TXNL4A: variants seen among roughly 807,000 people sequenced by gnomAD.
The protein encoded by TXNL4A is thioredoxin-like protein 4A.
In TXNL4A, 17 loss-of-function variants were observed where a neutral mutation model predicts 14.6. That is an observed-to-expected ratio of 1.16 (90% CI 0.80 to 1.74). TXNL4A has a LOEUF of 1.74. Ranked by LOEUF, TXNL4A falls within the 40% of genes most tolerant of loss-of-function variation. TXNL4A has a pLI of 0.00. For synonymous variants in TXNL4A, 83 were observed against 70.6 expected, an observed-to-expected ratio of 1.18 and a Z score of -0.88; for missense variants, 74 against 195.2, an observed-to-expected ratio of 0.38 and a Z score of 3.70.
At chr18:79,990,843 G>A (rs1039216055), upstream of TXNL4A, among the ~76,000 whole-genome samples, 22 of 152,198 alleles carry the variant, frequency 1.4e-4, no homozygotes, top group African/African-American at 4.8e-4. Context: ...GGTGGCTCAC[G>A]CCTGTAATCC....
chr18:79,984,370 G>A (rs2051511349), intron 1 of TXNL4A, among the ~76,000 whole-genome samples: 1 of 150,072 alleles, frequency 6.7e-6, no homozygotes, highest in South Asian at 2.2e-4. Context: ...GAGGTGACTG[G>A]CTCACTTGAG....
rs1250583314 is a variant in TXNL4A at position 79,971,366 on chromosome 18, T to C, written c.*2319A>G. On this transcript the variant is annotated 3_prime_UTR_variant, in exon 3 of 3. Coordinates refer to ENST00000269601, the MANE Select transcript of TXNL4A (RefSeq NM_006701.5). ...TTTTTGAGACAGGGTCTTGCTCAGT[T>C]GCCCAGGCTGGAGTGCAGTGGCACA... The C allele has an allele frequency of 6.6e-6, 1 of 152,370 alleles. No individual in the cohort carries two copies. The highest frequency in any genetic ancestry group is 1.5e-5 in the Non-Finnish European group (1 of 68,144). The allele number at this position is 152,370 out of a possible 1,614,324, so 9.4% of individuals were successfully genotyped here. A position where few individuals can be genotyped will look rare whatever the true frequency, so the allele number is the denominator to read the frequency against.
chr18:80,010,736 T>A (rs1306343413), intron 1 of TXNL4A, among the ~76,000 whole-genome samples: 1 of 152,260 alleles, frequency 6.6e-6, no homozygotes, highest in African/African-American at 2.4e-5. Flanking sequence ...GCCACGGGCA[T>A]GTCTCCAGGC....
chr18:80,008,602 G>A (rs1179832597), intron 1 of TXNL4A, among the ~76,000 whole-genome samples: 3 of 151,618 alleles, frequency 2.0e-5, no homozygotes, highest in Non-Finnish European at 2.9e-5. Flanking sequence ...TCCACATTAA[G>A]TTCACCCTCT....
At chr18:80,023,478 T>G (rs1186448890) in intron 1 of TXNL4A, among the ~76,000 whole-genome samples, 1 of 152,220 alleles carries the variant, frequency 6.6e-6, no homozygotes, top group Non-Finnish European at 1.5e-5. Flanking sequence ...TTAGAGAGGT[T>G]TGGGGTTTGA....
chr18:80,022,721 G>C (rs779978358), intron 1 of TXNL4A, among the ~76,000 whole-genome samples: 2 of 152,134 alleles, frequency 1.3e-5, no homozygotes, highest in Non-Finnish European at 2.9e-5. Flanking sequence ...TTGCTTTGGC[G>C]TGACCAAGGG....
At chr18:79,977,556 C>A in intron 2 of TXNL4A, 42 bp downstream of exon 2, 1 of 1,452,324 alleles carries the variant, frequency 6.9e-7, no homozygotes, top group Admixed American at 1.9e-5. Flanking sequence ...AGCTTCCAAA[C>A]TGACAATATT....
intron 1 of TXNL4A, among the ~76,000 whole-genome samples, chr18:80,001,180 A>G (rs1167295699): frequency 4.6e-5 from 7 of 152,214 alleles, no homozygotes; most frequent in African/African-American, 1.7e-4. Flanking sequence ...GCTTCAAAGA[A>G]TGGAAGCTCT....
At position 79,972,602 on chromosome 18, in the gene TXNL4A, T is replaced by A. The variant is rs113648794; in HGVS notation, c.*1083A>T. 1 of 152,284 alleles carries A rather than the reference T, an allele frequency of 6.6e-6. No homozygotes were observed. Among genetic ancestry groups the A allele is most frequent in the Non-Finnish European group, 1.5e-5 (1 of 68,146 alleles). 9.4% of individuals were successfully genotyped at this position (152,284 alleles called of 1,614,324 possible). A position where few individuals can be genotyped will look rare whatever the true frequency, so the allele number is the denominator to read the frequency against. ...GCCTCAGCCTTCCAAGTAGCTGGGATTACAGGCACGCGCCACCATGCCCAG... is the reference window on the plus strand; with the variant it reads ...GCCTCAGCCTTCCAAGTAGCTGGGAATACAGGCACGCGCCACCATGCCCAG... On this transcript the variant is annotated 3_prime_UTR_variant, in exon 3 of 3. Coordinates refer to ENST00000269601, the MANE Select transcript of TXNL4A (RefSeq NM_006701.5).
At chr18:80,006,781 T>C (rs1038848635) in intron 1 of TXNL4A, among the ~76,000 whole-genome samples, 5 of 152,188 alleles carry the variant, frequency 3.3e-5, no homozygotes, top group Non-Finnish European at 7.3e-5. Context: ...CAGATGGTTT[T>C]ATCGATGAGC....
intron 1 of TXNL4A, among the ~76,000 whole-genome samples, chr18:80,012,544 T>C (rs1385235462): frequency 6.6e-6 from 1 of 152,202 alleles, no homozygotes; most frequent in East Asian, 1.9e-4. Context: ...GGTTTTATGT[T>C]GTGGTTCATG....
At chr18:80,029,364 T>C (rs2051906406) in intron 1 of TXNL4A, among the ~76,000 whole-genome samples, 2 of 152,228 alleles carry the variant, frequency 1.3e-5, no homozygotes, top group East Asian at 1.9e-4. Context: ...TTTTGAGGTA[T>C]GGCAGCTTGA....
chr18:79,992,048 A>C (rs183094627), upstream of TXNL4A, among the ~76,000 whole-genome samples: 1 of 152,348 alleles, frequency 6.6e-6, no homozygotes, highest in Non-Finnish European at 1.5e-5. Flanking sequence ...GGTCACAGAT[A>C]TGTGAGAGAT....
intron 1 of TXNL4A, among the ~76,000 whole-genome samples, chr18:80,027,545 A>G (rs760307046): frequency 3.0e-4 from 45 of 152,242 alleles, no homozygotes; most frequent in Non-Finnish European, 6.2e-4. Context: ...CTTGGAAAGA[A>G]GGGCAATATA....
Position 79,995,811 on chromosome 18 carries a change from C to T in TXNL4A, c.-60-18110G>A, listed in dbSNP as rs187337009. 1.4e-3 allele frequency among the ~76,000 whole-genome samples: 216 copies of T among 152,242 alleles called. 1 individual carries two copies. Among genetic ancestry groups the T allele is most frequent in the African/African-American group, 5.0e-3 (206 of 41,552 alleles). On this transcript the variant is annotated intron_variant, in intron 1 of 2. Coordinates refer to the TXNL4A transcript ENST00000585474. Reference sequence around the variant, plus strand: ...CCCAGTCTGTTACTAGTGTAAAAGACCAGGACAACGGCCGGGCGCGGTGGC... The same window carrying T: ...CCCAGTCTGTTACTAGTGTAAAAGATCAGGACAACGGCCGGGCGCGGTGGC...
At chr18:79,988,001 G>A (rs145373881) in intron 1 of TXNL4A, among the ~76,000 whole-genome samples, 43 of 152,364 alleles carry the variant, frequency 2.8e-4, no homozygotes, top group African/African-American at 8.7e-4. Context: ...TTGAGAGGAG[G>A]GGGATCATAA....
At position 79,993,927 on chromosome 18, in the gene TXNL4A, G is replaced by A. The variant is rs769501080; in HGVS notation, c.-60-16226C>T. On this transcript the variant is annotated intron_variant, in intron 1 of 2. Transcript: ENST00000585474. This position sits in a 1 kb window ranked among gnomAD's most constrained non-coding sequence, Gnocchi z 4.4. ...CCCTGACACACTTTACCAGGTAGCC[G>A]CGACAAGCGTGGACTGAACTGGTTC... 3.3e-5 allele frequency among the ~76,000 whole-genome samples: 5 copies of A among 152,108 alleles called. No homozygotes were observed. The highest frequency in any genetic ancestry group is 4.1e-4 in the South Asian group (2 of 4,824).
At chr18:79,996,327 A>G (rs957951819) in intron 1 of TXNL4A, among the ~76,000 whole-genome samples, 7 of 152,180 alleles carry the variant, frequency 4.6e-5, no homozygotes, top group South Asian at 2.1e-4. Context: ...AGGAGTGGCT[A>G]TATCTGTTAT....
At chr18:79,992,185 T>C (rs868471307), upstream of TXNL4A, among the ~76,000 whole-genome samples, 14 of 152,230 alleles carry the variant, frequency 9.2e-5, no homozygotes, top group African/African-American at 3.1e-4. Context: ...CCCAAGATAC[T>C]TTCCTTTCAC....
Sources: allele counts gnomAD v4.1 joint callset (sites outside exome capture counted in the v4.1 genomes callset), GRCh38; gene constraint gnomAD v4.1.1; non-coding constraint Gnocchi (gnomAD v3.1); transcripts MANE v1.5; gene names NCBI Gene and HGNC (gene_info 2026-07-23, HGNC 2026-07-21).